The following TEX36 variants were observed in gnomAD, a reference collection of about 807,000 sequenced individuals.
TEX36 encodes the protein testis-expressed protein 36.
TEX36 carries 12 observed loss-of-function variants against 13.6 expected under a neutral mutation model. The observed-to-expected ratio is 0.88, with a 90% CI of 0.56 to 1.43. The LOEUF (loss-of-function observed/expected upper bound fraction) is 1.43, where lower values mean the gene tolerates loss of function less well. Among genes scored for constraint, TEX36 ranks in the 40% most tolerant of loss-of-function variants. The pLI, the probability that TEX36 is intolerant of heterozygous loss-of-function variation, is 0.00. For missense variants in TEX36, 224 were observed against 228.3 expected (o/e 0.98, Z 0.12); for synonymous variants, 93 against 83.0 (o/e 1.12, Z -0.65).
chr10:125,592,600 T>C (rs1258719026), intron 3 of TEX36, among the ~76,000 whole-genome samples: 1 of 152,016 alleles, frequency 6.6e-6, no homozygotes, highest in African/African-American at 2.4e-5. Flanking sequence ...AAAAATCCTG[T>C]CATTTCATTC....
intron 3 of TEX36, among the ~76,000 whole-genome samples, chr10:125,579,425 G>A (rs1845860360): frequency 6.6e-6 from 1 of 152,124 alleles, no homozygotes; most frequent in Admixed American, 6.5e-5. Flanking sequence ...CTGCCTCCAT[G>A]GTCTAATCAC....
chr10:125,613,968 C>A (rs546619954), intron 3 of TEX36, among the ~76,000 whole-genome samples: 2 of 152,188 alleles, frequency 1.3e-5, no homozygotes, highest in African/African-American at 4.8e-5. Context: ...TTAATGATTG[C>A]CATTCTAACT....
intron 3 of TEX36, among the ~76,000 whole-genome samples, chr10:125,599,321 G>T (rs988046377): frequency 6.6e-5 from 10 of 152,184 alleles, no homozygotes; most frequent in African/African-American, 2.4e-4. Flanking sequence ...CTTGGAACCC[G>T]CTGAGGACCA....
intron 1 of TEX36, chr10:125,667,982 A>T: frequency 1.2e-6 from 1 of 814,750 alleles, no homozygotes; most frequent in South Asian, 1.4e-5. Flanking sequence ...CAGTGCTTCA[A>T]AGGAAATTTC....
intron 3 of TEX36, among the ~76,000 whole-genome samples, chr10:125,630,870 A>T (rs1372591972): frequency 6.6e-6 from 1 of 152,050 alleles, no homozygotes; most frequent in Non-Finnish European, 1.5e-5. Flanking sequence ...GTCTTCCAGG[A>T]TGTAGCTCTG....
downstream of TEX36, among the ~76,000 whole-genome samples, chr10:125,654,399 A>C (rs1400210408): frequency 6.6e-6 from 1 of 152,210 alleles, no homozygotes. Context: ...CCATGTGAGG[A>C]AAATTATAAA....
At chr10:125,657,380 C>A (rs1846965074) in intron 3 of TEX36, among the ~76,000 whole-genome samples, 1 of 152,020 alleles carries the variant, frequency 6.6e-6, no homozygotes, top group African/African-American at 2.4e-5. Context: ...AGATCAGCCC[C>A]CAGAACCAGA....
chr10:125,634,346 T>C (rs182495911), intron 3 of TEX36, among the ~76,000 whole-genome samples: 252 of 152,304 alleles, frequency 1.7e-3, no homozygotes, highest in African/African-American at 5.6e-3. Flanking sequence ...ACACATTTGA[T>C]GTCATTCCGG....
intron 1 of TEX36, chr10:125,667,214 G>A: frequency 1.6e-6 from 1 of 640,982 alleles, no homozygotes. Context: ...ATCTCCTCGT[G>A]AGAAAACTTC....
At chr10:125,629,736 T>C (rs1846529209) in intron 3 of TEX36, among the ~76,000 whole-genome samples, 1 of 152,238 alleles carries the variant, frequency 6.6e-6, no homozygotes, top group Admixed American at 6.5e-5. Context: ...TTTTGAAATG[T>C]AGATTCACTT....
chr10:125,613,110 GC>G (rs1846310561), intron 3 of TEX36, among the ~76,000 whole-genome samples: 3 of 151,484 alleles, frequency 2.0e-5, no homozygotes, highest in Admixed American at 2.0e-4. Context: ...GTGTTGAGGT[GC>G]CCCGCCCGAC....
At chr10:125,586,049 G>A (rs370576569) in intron 3 of TEX36, among the ~76,000 whole-genome samples, 307 of 152,280 alleles carry the variant, frequency 2.0e-3, no homozygotes, top group Non-Finnish European at 3.4e-3. Context: ...AGTAATAGAC[G>A]GCAACTGTGT....
chr10:125,640,455 A>G (rs1349528397), intron 3 of TEX36, among the ~76,000 whole-genome samples: 1 of 152,164 alleles, frequency 6.6e-6, no homozygotes, highest in Non-Finnish European at 1.5e-5. Flanking sequence ...TTATTCAGTG[A>G]GTCAGGCTCT....
intron 3 of TEX36, among the ~76,000 whole-genome samples, chr10:125,586,270 T>A (rs1845947993): frequency 1.3e-5 from 2 of 152,330 alleles, no homozygotes. Context: ...CTTACTCTCA[T>A]CTATGCTATT....
At chr10:125,579,781 G>A (rs891605890) in intron 3 of TEX36, among the ~76,000 whole-genome samples, 2 of 152,026 alleles carry the variant, frequency 1.3e-5, no homozygotes, top group African/African-American at 4.8e-5. Flanking sequence ...GGCCATGTAA[G>A]ACATGCCTGC....
intron 2 of TEX36, among the ~76,000 whole-genome samples, chr10:125,661,580 G>A (rs1407088630): frequency 1.3e-5 from 2 of 152,180 alleles, no homozygotes; most frequent in African/African-American, 2.4e-5. Flanking sequence ...CGGGGAGGCA[G>A]GAGGTGCATG....
intron 3 of TEX36, among the ~76,000 whole-genome samples, chr10:125,647,382 A>G (rs969903584): frequency 2.0e-5 from 3 of 152,220 alleles, no homozygotes; most frequent in Admixed American, 6.5e-5. Flanking sequence ...TGTTAACAGT[A>G]GGGGAAATTG....
At chr10:125,654,089 A>G (rs1846905457), downstream of TEX36, among the ~76,000 whole-genome samples, 1 of 152,224 alleles carries the variant, frequency 6.6e-6, no homozygotes, top group South Asian at 2.1e-4. Context: ...AATGACATAA[A>G]AGAATTATCA....
At chr10:125,674,438 G>C (rs948696390) in intron 1 of TEX36, among the ~76,000 whole-genome samples, 3 of 152,118 alleles carry the variant, frequency 2.0e-5, no homozygotes, top group African/African-American at 7.2e-5. Flanking sequence ...ATCCATCTCA[G>C]CTTCTGCCCA....
Sources: allele counts gnomAD v4.1 joint callset (sites outside exome capture counted in the v4.1 genomes callset), GRCh38; gene constraint gnomAD v4.1.1; transcripts MANE v1.5; gene names NCBI Gene and HGNC (gene_info 2026-07-23, HGNC 2026-07-21).